Variants in AOPEP observed in about 807,000 individuals in gnomAD.
The protein encoded by AOPEP is aminopeptidase O.
In AOPEP, 77 loss-of-function variants were observed where a neutral mutation model predicts 98.1. The observed-to-expected ratio is 0.78, with a 90% CI of 0.65 to 0.95. The LOEUF (loss-of-function observed/expected upper bound fraction) is 0.95, where lower values mean the gene tolerates loss of function less well. Ranked by LOEUF, AOPEP falls within the 40% of genes least tolerant of loss-of-function variation. AOPEP has a pLI of 0.00. For synonymous variants in AOPEP, 346 were observed against 365.3 expected (o/e 0.95, Z 0.60); for missense variants, 1,024 against 1,024.7 (o/e 1.00, Z 0.01).
At chr9:94,807,381 A>G (rs1849470155) in intron 5 of AOPEP, among the ~76,000 whole-genome samples, 1 of 152,190 alleles carries the variant, frequency 6.6e-6, no homozygotes, top group African/African-American at 2.4e-5. Context: ...TGACAGTCCT[A>G]CCTTCAGAGA....
chr9:95,052,041 A>G (rs2133806936), intron 13 of AOPEP, among the ~76,000 whole-genome samples: 1 of 152,234 alleles, frequency 6.6e-6, no homozygotes, highest in African/African-American at 2.4e-5. Context: ...TATTTTTTAG[A>G]TATGTTCTAG....
At chr9:94,893,686 A>G (rs1234483941) in intron 5 of AOPEP, among the ~76,000 whole-genome samples, 2 of 152,194 alleles carry the variant, frequency 1.3e-5, no homozygotes, top group African/African-American at 4.8e-5. Context: ...TCATTCATTC[A>G]GCCTACCTTT....
At chr9:94,950,859 A>G (rs1177221213) in intron 7 of AOPEP, among the ~76,000 whole-genome samples, 1 of 152,222 alleles carries the variant, frequency 6.6e-6, no homozygotes, top group Non-Finnish European at 1.5e-5. Flanking sequence ...CCCAGCTGAC[A>G]TGCCAGAGGA....
chr9:94,790,228 G>A (rs1471849494), intron 3 of AOPEP, among the ~76,000 whole-genome samples: 1 of 150,872 alleles, frequency 6.6e-6, no homozygotes, highest in Admixed American at 6.6e-5. Context: ...GTGCAATTGT[G>A]CGATCTCGGC....
chr9:95,062,119 T>C (rs552983185), intron 14 of AOPEP, among the ~76,000 whole-genome samples: 10 of 152,278 alleles, frequency 6.6e-5, no homozygotes, highest in South Asian at 4.2e-4. Flanking sequence ...GCATAAAACA[T>C]GTCCTGTTCT....
chr9:95,110,278 C>T, the AOPEP span: 8 of 1,011,764 alleles, frequency 7.9e-6, no homozygotes, highest in Non-Finnish European at 9.5e-6. Flanking sequence ...GATTCTCTGT[C>T]AGTAACCTTT....
chr9:94,916,714 A>AT (rs1337290175), intron 5 of AOPEP, among the ~76,000 whole-genome samples: 1 of 149,632 alleles, frequency 6.7e-6, no homozygotes, highest in African/African-American at 2.5e-5. Context: ...AAAAAATTAA[A>AT]TAAATAAATA....
At chr9:94,932,352 C>T in intron 7 of AOPEP, 1 of 940,572 alleles carries the variant, frequency 1.1e-6, no homozygotes, top group Non-Finnish European at 1.3e-6. Flanking sequence ...AAGAGAAAAA[C>T]TAAAATTTTG....
chr9:94,944,587 C>T (rs143888424), intron 7 of AOPEP, among the ~76,000 whole-genome samples: 108 of 152,192 alleles, frequency 7.1e-4, no homozygotes, highest in African/African-American at 2.5e-3. Flanking sequence ...TATTTTGAGA[C>T]AGGGTCTTAC....
chr9:95,088,303 G>A (rs1241185602), downstream of AOPEP, among the ~76,000 whole-genome samples: 2 of 151,800 alleles, frequency 1.3e-5, no homozygotes, highest in Non-Finnish European at 1.5e-5. Flanking sequence ...TCCGCCTCCC[G>A]GGTTCAAGCG....
chr9:94,844,690 A>T (rs991776290), intron 5 of AOPEP, among the ~76,000 whole-genome samples: 1 of 152,202 alleles, frequency 6.6e-6, no homozygotes, highest in African/African-American at 2.4e-5. Flanking sequence ...CACATATCGA[A>T]TAGCCACTTT....
chr9:94,950,157 C>T (rs2057998088), intron 7 of AOPEP, among the ~76,000 whole-genome samples: 1 of 152,158 alleles, frequency 6.6e-6, no homozygotes, highest in African/African-American at 2.4e-5. Flanking sequence ...CCCAGCTTTC[C>T]CCCATGACAG....
At chr9:95,070,289 T>C (rs751673622) in intron 14 of AOPEP, among the ~76,000 whole-genome samples, 12 of 152,250 alleles carry the variant, frequency 7.9e-5, no homozygotes, top group Non-Finnish European at 1.8e-4. Flanking sequence ...GGTTTGTTTA[T>C]TGCAGGGTAG....
At chr9:95,074,544 G>A (rs577211640) in intron 14 of AOPEP, among the ~76,000 whole-genome samples, 3 of 152,312 alleles carry the variant, frequency 2.0e-5, no homozygotes, top group East Asian at 3.9e-4. Flanking sequence ...CGACCTGTAC[G>A]CTAAGTGAGG....
intron 13 of AOPEP, among the ~76,000 whole-genome samples, chr9:95,052,648 A>G (rs1449313606): frequency 6.6e-6 from 1 of 152,222 alleles, no homozygotes; most frequent in Non-Finnish European, 1.5e-5. Flanking sequence ...TAAAATTACT[A>G]AATTTGTAAT....
chr9:94,737,950 G>A (rs577529526), intron 1 of AOPEP, among the ~76,000 whole-genome samples: 26 of 152,288 alleles, frequency 1.7e-4, no homozygotes, highest in African/African-American at 5.8e-4. Flanking sequence ...GTAGAGTGTA[G>A]TGCTGAGAGT....
chr9:94,981,169 G>A (rs1173366840), intron 11 of AOPEP, among the ~76,000 whole-genome samples: 2 of 152,212 alleles, frequency 1.3e-5, no homozygotes, highest in Non-Finnish European at 2.9e-5. Flanking sequence ...CTCACTGCCG[G>A]GGGCTCTGTA....
intron 14 of AOPEP, among the ~76,000 whole-genome samples, chr9:95,067,165 G>A (rs2067992666): frequency 6.6e-6 from 1 of 152,100 alleles, no homozygotes. Context: ...GATGTGAGAG[G>A]TGGATCTGTC....
chr9:94,908,466 C>CTG (rs2051499803), intron 5 of AOPEP, among the ~76,000 whole-genome samples: 1 of 152,166 alleles, frequency 6.6e-6, no homozygotes, highest in East Asian at 1.9e-4. Flanking sequence ...ACTTATCCCT[C>CTG]TAAGAGTATA....
Sources: gnomAD v4.1 joint callset for allele counts (sites outside exome capture counted in the v4.1 genomes callset) on GRCh38, gnomAD v4.1.1 for gene constraint, MANE v1.5 for transcripts, NCBI Gene and HGNC (gene_info 2026-07-23, HGNC 2026-07-21) for gene names.